The following MKRN2OS variants were observed in gnomAD, a reference collection of about 807,000 sequenced individuals.
The protein encoded by MKRN2OS is MKRN2 opposite strand protein.
MKRN2OS carries 17 observed loss-of-function variants against 18.2 expected under a neutral mutation model. The observed-to-expected ratio is 0.93, with a 90% confidence interval of 0.64 to 1.40. The LOEUF (loss-of-function observed/expected upper bound fraction) is 1.40, where lower values mean the gene tolerates loss of function less well. Among genes scored for constraint, MKRN2OS ranks in the 40% most tolerant of loss-of-function variants. The pLI is 0.00. For synonymous variants in MKRN2OS, 121 were observed against 108.5 expected (o/e 1.12, Z -0.72); for missense variants, 337 against 283.0 (o/e 1.19, Z -1.37).
chr3:12,546,405 G>A (rs1575506342), upstream of MKRN2OS, among the ~76,000 whole-genome samples: 1 of 151,956 alleles, frequency 6.6e-6, no homozygotes, highest in Non-Finnish European at 1.5e-5. Context: ...GTCCAGGGCT[G>A]TTGTGACTCA....
At chr3:12,543,145 A>C in intron 2 of MKRN2OS, 35 bp downstream of exon 2, 3 of 1,502,370 alleles carry the variant, frequency 2.0e-6, no homozygotes, top group Admixed American at 2.0e-5. Flanking sequence ...TTTGCTGGGT[A>C]GTAGGGGTTT....
chr3:12,542,101 G>A (rs548659696), intron 2 of MKRN2OS, 79 bp from the exon 3 acceptor site: 6 of 1,381,394 alleles, frequency 4.3e-6, no homozygotes, highest in Admixed American at 2.3e-5. Flanking sequence ...GAAAATGACA[G>A]TAGCCATGTG....
chr3:12,545,780 A>C (rs776726628), upstream of MKRN2OS, among the ~76,000 whole-genome samples: 1 of 152,076 alleles, frequency 6.6e-6, no homozygotes, highest in Non-Finnish European at 1.5e-5. Flanking sequence ...TTGCAGTGGC[A>C]GCGCTGGATT....
At chr3:12,558,786 G>A (rs2058007655) in intron 1 of MKRN2OS, among the ~76,000 whole-genome samples, 1 of 152,158 alleles carries the variant, frequency 6.6e-6, no homozygotes, top group East Asian at 1.9e-4. Flanking sequence ...AATGAAGATT[G>A]GGTTGGAATG....
At chr3:12,540,836 T>C (rs1341669899) in intron 3 of MKRN2OS, among the ~76,000 whole-genome samples, 1 of 140,776 alleles carries the variant, frequency 7.1e-6, no homozygotes, top group African/African-American at 2.7e-5. Flanking sequence ...ATCGCACCAC[T>C]GTACTCCAGC....
chr3:12,557,054 A>ACG, intron 1 of MKRN2OS: 1 of 743,780 alleles, frequency 1.3e-6, no homozygotes, highest in Non-Finnish European at 1.8e-6. Context: ...CGCCGGCGTG[A>ACG]CGCGGCTACG....
At chr3:12,558,647 T>C (rs1325411638) in intron 1 of MKRN2OS, among the ~76,000 whole-genome samples, 1 of 152,206 alleles carries the variant, frequency 6.6e-6, no homozygotes, top group Non-Finnish European at 1.5e-5. Flanking sequence ...TTTTACACCT[T>C]AGTAGAGGCA....
chr3:12,557,405 C>T (rs535447305), intron 1 of MKRN2OS, among the ~76,000 whole-genome samples: 1 of 152,344 alleles, frequency 6.6e-6, no homozygotes, highest in Non-Finnish European at 1.5e-5. Flanking sequence ...GGCTACGCCC[C>T]GAGTTTGAAG....
At chr3:12,549,120 G>A (rs2057909631), upstream of MKRN2OS, among the ~76,000 whole-genome samples, 2 of 152,012 alleles carry the variant, frequency 1.3e-5, no homozygotes, top group African/African-American at 2.4e-5. Context: ...ATTTTTAATA[G>A]AGATGGGGTT....
At chr3:12,541,805 C>T in intron 3 of MKRN2OS, 55 bp downstream of exon 3, 1 of 1,499,042 alleles carries the variant, frequency 6.7e-7, no homozygotes, top group Non-Finnish European at 8.9e-7. Flanking sequence ...ACACGGGGAT[C>T]CCACTTGCAT....
upstream of MKRN2OS, chr3:12,545,531 C>A (rs78148408): frequency 9.1e-6 from 11 of 1,206,714 alleles, no homozygotes; most frequent in Admixed American, 1.1e-4. Flanking sequence ...ATACACCTGG[C>A]GAATGCACAC....
upstream of MKRN2OS, among the ~76,000 whole-genome samples, chr3:12,548,641 C>T (rs886507282): frequency 1.3e-5 from 2 of 151,644 alleles, no homozygotes; most frequent in Non-Finnish European, 2.9e-5. Flanking sequence ...CAAATAAATA[C>T]ATAAATAAAC....
At chr3:12,546,994 G>T (rs2057890610), upstream of MKRN2OS, among the ~76,000 whole-genome samples, 1 of 152,190 alleles carries the variant, frequency 6.6e-6, no homozygotes, top group Admixed American at 6.5e-5. Flanking sequence ...TGTAGTCCCA[G>T]TTACTCAGGT....
chr3:12,548,712 ATCTT>A (rs2057907015), upstream of MKRN2OS, among the ~76,000 whole-genome samples: 2 of 152,168 alleles, frequency 1.3e-5, no homozygotes, highest in African/African-American at 4.8e-5. Context: ...TGAGAATATA[ATCTT>A]TCTGACACCA....
chr3:12,551,196 A>T (rs1352853557), downstream of MKRN2OS, among the ~76,000 whole-genome samples: 1 of 55,860 alleles, frequency 1.8e-5, no homozygotes, highest in Non-Finnish European at 3.5e-5. Flanking sequence ...CACTTTATTA[A>T]AAAAAAAAAA....
At chr3:12,547,228 A>G (rs2057893459), upstream of MKRN2OS, among the ~76,000 whole-genome samples, 1 of 152,212 alleles carries the variant, frequency 6.6e-6, no homozygotes, top group South Asian at 2.1e-4. Context: ...GGAGAAAATT[A>G]ATGGTATGTT....
intron 2 of MKRN2OS, among the ~76,000 whole-genome samples, chr3:12,542,551 A>G (rs1245945879): frequency 6.6e-6 from 1 of 151,976 alleles, no homozygotes; most frequent in Non-Finnish European, 1.5e-5. Context: ...AGGCCTGGGT[A>G]GGTGCCTCAC....
At chr3:12,557,026 G>GCGGCGTGCGCCGGCGTGCGC (rs546641157) in intron 1 of MKRN2OS, 69 of 1,044,222 alleles carry the variant, frequency 6.6e-5, no homozygotes, top group Admixed American at 1.3e-4. Flanking sequence ...CACCGGAGGG[G>GCGGCGTGCGCCGGCGTGCGC]CGGCGTGCGC....
chr3:12,549,327 T>C (rs1336598914), upstream of MKRN2OS, among the ~76,000 whole-genome samples: 1 of 152,096 alleles, frequency 6.6e-6, no homozygotes, highest in East Asian at 1.9e-4. Context: ...CACTGCAGCC[T>C]CCATCTCCTG....
Sources: allele counts gnomAD v4.1 joint callset (sites outside exome capture counted in the v4.1 genomes callset), GRCh38; gene constraint gnomAD v4.1.1; transcripts MANE v1.5; gene names NCBI Gene and HGNC (gene_info 2026-07-23, HGNC 2026-07-21).